The following DACH2 variants were observed in gnomAD, a reference collection of about 807,000 sequenced individuals.
DACH2 encodes dachshund family transcription factor 2.
A neutral mutation model predicts 35.8 loss-of-function variants in DACH2; 17 were observed. The ratio of observed to expected loss-of-function variants is 0.48; its 90% CI spans 0.33 to 0.71. The LOEUF (loss-of-function observed/expected upper bound fraction) is 0.71, where lower values mean the gene tolerates loss of function less well. DACH2 is among the 30% of genes least tolerant of loss of function. DACH2 has a pLI of 0.02. For synonymous variants in DACH2, 195 were observed against 177.3 expected (o/e 1.10, Z -0.79); for missense variants, 469 against 472.7 (o/e 0.99, Z 0.07).
intron 2 of DACH2, among the ~76,000 whole-genome samples, chrX:86,453,282 T>G (rs1250514287): frequency 8.9e-6 from 1 of 112,195 alleles, no homozygotes; most frequent in Non-Finnish European, 1.9e-5. Flanking sequence ...AGAAGAATAC[T>G]GTATATTTTG....
intron 5 of DACH2, among the ~76,000 whole-genome samples, chrX:86,701,164 T>C (rs1415906850): frequency 1.8e-5 from 2 of 111,635 alleles, no homozygotes; most frequent in African/African-American, 6.5e-5. Context: ...TAATCCACCA[T>C]GATCAAGTAT....
chrX:86,183,445 G>T (rs2031566986), intron 1 of DACH2, among the ~76,000 whole-genome samples: 1 of 112,129 alleles, frequency 8.9e-6, no homozygotes, highest in African/African-American at 3.2e-5. Flanking sequence ...TGTGGTTTTT[G>T]TCATTGGTTC....
At chrX:86,177,718 A>G (rs2147878823) in intron 1 of DACH2, among the ~76,000 whole-genome samples, 1 of 111,358 alleles carries the variant, frequency 9.0e-6, no homozygotes, top group South Asian at 3.7e-4. Context: ...CTGCAGCTGG[A>G]GAATAGTGAG....
rs766065657 is a variant in DACH2, at chrX:86,301,899, T to G, written c.489-74925T>G. On this transcript the variant is annotated intron_variant, in intron 1 of 11. Coordinates refer to ENST00000373125, the MANE Select transcript of DACH2 (RefSeq NM_053281.3). Reference sequence around the variant, plus strand: ...GTCCAGTGTATCCATACTTTGATTCTACTTATATTCTTCCCACCTCTTTCT... The same window carrying G: ...GTCCAGTGTATCCATACTTTGATTCGACTTATATTCTTCCCACCTCTTTCT... Among the ~76,000 whole-genome samples the G allele has an allele frequency of 1.2e-4, 13 of 111,636 alleles. No homozygotes were observed. The East Asian group carries it at 3.7e-3, about 32-fold the overall frequency.
At chrX:86,390,466 A>G (rs2036184016) in intron 2 of DACH2, among the ~76,000 whole-genome samples, 1 of 112,030 alleles carries the variant, frequency 8.9e-6, no homozygotes, top group African/African-American at 3.2e-5. Flanking sequence ...GGACTTTATG[A>G]AAGTGGAATA....
At chrX:86,659,686 A>C (rs1198989886) in intron 4 of DACH2, among the ~76,000 whole-genome samples, 5 of 111,756 alleles carry the variant, frequency 4.5e-5, no homozygotes, top group African/African-American at 1.6e-4. Flanking sequence ...TTGTACATTA[A>C]TGCTAAATAT....
chrX:86,346,561 G>A (rs868375834), intron 1 of DACH2, among the ~76,000 whole-genome samples: 41 of 111,343 alleles, frequency 3.7e-4, no homozygotes, highest in African/African-American at 1.3e-3. Flanking sequence ...AAACAAAACA[G>A]CTGACTTGAG....
chrX:86,276,415 TA>T (rs1419381394), intron 1 of DACH2, among the ~76,000 whole-genome samples: 1 of 112,064 alleles, frequency 8.9e-6, no homozygotes, highest in Non-Finnish European at 1.9e-5. Flanking sequence ...GAGCTCCTTA[TA>T]TATTCTTCTT....
intron 1 of DACH2, among the ~76,000 whole-genome samples, chrX:86,220,818 A>G (rs781057420): frequency 8.9e-6 from 1 of 112,038 alleles, no homozygotes; most frequent in East Asian, 2.8e-4. Flanking sequence ...TAAATGTACC[A>G]TTTTAAATAT....
chrX:86,646,009 T>C (rs898246855), intron 3 of DACH2, among the ~76,000 whole-genome samples: 2 of 111,378 alleles, frequency 1.8e-5, no homozygotes, highest in African/African-American at 6.5e-5. Context: ...GACATATGTT[T>C]ATCTGTGTAA....
At chrX:86,586,133 T>A (rs898311701) in intron 3 of DACH2, among the ~76,000 whole-genome samples, 1 of 111,754 alleles carries the variant, frequency 8.9e-6, no homozygotes, top group Non-Finnish European at 1.9e-5. Context: ...TATCTCATTG[T>A]GGTTTTGATT....
intron 2 of DACH2, chrX:86,481,242 T>C (rs1053689786): frequency 8.9e-6 from 1 of 112,132 alleles, no homozygotes; most frequent in African/African-American, 3.2e-5. Flanking sequence ...TCTATTGCCA[T>C]TTTTGTACAC....
chrX:86,271,755 T>A (rs926706692), intron 1 of DACH2, among the ~76,000 whole-genome samples: 1 of 112,151 alleles, frequency 8.9e-6, no homozygotes, highest in Admixed American at 9.5e-5. Flanking sequence ...TATCATGCCC[T>A]TGTTAAAATA....
intron 2 of DACH2, among the ~76,000 whole-genome samples, chrX:86,385,478 A>C (rs1456819622): frequency 1.8e-5 from 2 of 111,639 alleles, no homozygotes; most frequent in Non-Finnish European, 3.8e-5. Context: ...AATACAAATA[A>C]AGATTCAGTA....
At chrX:86,673,525 G>A (rs1040709749) in intron 4 of DACH2, among the ~76,000 whole-genome samples, 1 of 110,682 alleles carries the variant, frequency 9.0e-6, no homozygotes, top group Non-Finnish European at 1.9e-5. Context: ...TAACTAACTT[G>A]TTTTTGATTT....
intron 2 of DACH2, among the ~76,000 whole-genome samples, chrX:86,477,966 G>A (rs2037874439): frequency 9.0e-6 from 1 of 111,356 alleles, no homozygotes; most frequent in Non-Finnish European, 1.9e-5. Context: ...GGAACAAACA[G>A]GCAAAAACAA....
intron 2 of DACH2, among the ~76,000 whole-genome samples, chrX:86,475,891 G>A (rs1376353620): frequency 2.7e-5 from 3 of 111,937 alleles, no homozygotes; most frequent in Non-Finnish European, 5.6e-5. Context: ...ATAAAAGGAT[G>A]TTGAGTTGTT....
At chrX:86,426,505 T>C (rs1376315322) in intron 2 of DACH2, among the ~76,000 whole-genome samples, 2 of 112,056 alleles carry the variant, frequency 1.8e-5, no homozygotes, top group African/African-American at 6.5e-5. Flanking sequence ...TAGGTAACTT[T>C]CTAATGTAAT....
intron 1 of DACH2, among the ~76,000 whole-genome samples, chrX:86,196,710 A>G (rs1365722854): frequency 2.8e-5 from 3 of 106,991 alleles, no homozygotes; most frequent in Admixed American, 1.0e-4. Context: ...AAAAAAAAAA[A>G]AAAAAAAAAG....
Sources: gnomAD v4.1 joint callset for allele counts (sites outside exome capture counted in the v4.1 genomes callset) on GRCh38, gnomAD v4.1.1 for gene constraint, MANE v1.5 for transcripts, NCBI Gene and HGNC (gene_info 2026-07-23, HGNC 2026-07-21) for gene names.